The following HEPHL1 variants were observed in gnomAD, a reference collection of about 807,000 sequenced individuals.
The protein encoded by HEPHL1 is ferroxidase HEPHL1.
HEPHL1 carries 123 observed loss-of-function variants against 122.0 expected under a neutral mutation model. The observed-to-expected ratio is 1.01, with a 90% confidence interval of 0.87 to 1.17. The LOEUF is 1.17. Among genes scored for constraint, HEPHL1 ranks in the 50% most tolerant of loss-of-function variants. The pLI is 0.00. For missense variants in HEPHL1, 1,452 were observed against 1,430.5 expected (o/e 1.01, Z -0.24); for synonymous variants, 527 against 508.9 (o/e 1.04, Z -0.48).
intron 8 of HEPHL1, among the ~76,000 whole-genome samples, chr11:94,073,672 G>T (rs928493527): frequency 1.3e-5 from 2 of 152,110 alleles, no homozygotes; most frequent in African/African-American, 4.8e-5. Flanking sequence ...CCCATGGTAG[G>T]TTCTTAGGAA....
intron 1 of HEPHL1, among the ~76,000 whole-genome samples, chr11:94,022,436 T>C (rs1449351458): frequency 6.6e-6 from 1 of 152,212 alleles, no homozygotes; most frequent in East Asian, 1.9e-4. Flanking sequence ...TTCCATTTCC[T>C]AAAGATGAGT....
At chr11:94,034,002 C>T (rs141363597) in intron 1 of HEPHL1, among the ~76,000 whole-genome samples, 16 of 152,068 alleles carry the variant, frequency 1.1e-4, no homozygotes, top group Middle Eastern at 3.4e-3. Context: ...CCACTGAGGC[C>T]CAGGAAAAAG....
At position 94,113,703 on chromosome 11, in the gene HEPHL1, G is replaced by A. The variant is rs998050841; in HGVS notation, c.*1809G>A. ...TTTTTAATGAAAACAAAACCACAAAGTAGTTTGATTGCATCATTTATCATT... is the reference window on the plus strand; with the variant it reads ...TTTTTAATGAAAACAAAACCACAAAATAGTTTGATTGCATCATTTATCATT... On this transcript the variant is annotated 3_prime_UTR_variant, in exon 20 of 20. Transcript: ENST00000315765. The A allele has an allele frequency of 1.3e-5, 2 of 151,828 alleles. No homozygotes were observed. The highest frequency in any genetic ancestry group is 4.8e-5 in the African/African-American group (2 of 41,300). The allele number at this position is 151,828 out of a possible 1,614,324, so 9.4% of individuals were successfully genotyped here.
Position 94,113,700 on chromosome 11 carries a change from A to G in HEPHL1, c.*1806A>G, listed in dbSNP as rs553005549. 6.6e-6 allele frequency: 1 copy of G among 152,302 alleles called. No individual in the cohort carries two copies. Among genetic ancestry groups the G allele is most frequent in the South Asian group, 2.1e-4 (1 of 4,820 alleles). 9.4% of individuals were successfully genotyped at this position (152,302 alleles called of 1,614,324 possible). A position where few individuals can be genotyped will look rare whatever the true frequency, so the allele number is the denominator to read the frequency against. On this transcript the variant is annotated 3_prime_UTR_variant, in exon 20 of 20. Coordinates refer to ENST00000315765, the MANE Select transcript of HEPHL1 (RefSeq NM_001098672.2). ...ATTTTTTTAATGAAAACAAAACCAC[A>G]AAGTAGTTTGATTGCATCATTTATC...
At chr11:94,041,499 C>G (rs1280421450) in intron 1 of HEPHL1, among the ~76,000 whole-genome samples, 2 of 123,378 alleles carry the variant, frequency 1.6e-5, no homozygotes, top group East Asian at 2.2e-4. Context: ...GTAACCAAAA[C>G]AGCATGGTAC....
intron 5 of HEPHL1, among the ~76,000 whole-genome samples, chr11:94,070,141 A>G (rs1300281682): frequency 1.3e-5 from 2 of 151,874 alleles, no homozygotes; most frequent in Non-Finnish European, 1.5e-5. Flanking sequence ...TCTATTGGAG[A>G]TTTACTTGTT....
chr11:94,060,365 TATAC>T (rs1392694071), intron 2 of HEPHL1, among the ~76,000 whole-genome samples: 1 of 151,874 alleles, frequency 6.6e-6, no homozygotes, highest in African/African-American at 2.4e-5. Flanking sequence ...TGTGTGTATA[TATAC>T]ACTTACATAT....
At position 94,093,556 on chromosome 11, in the gene HEPHL1, A is replaced by T. The variant is rs758778713; in HGVS notation, c.2350A>T (p.Lys784Ter). 5 of 1,613,652 alleles carry T rather than the reference A, an allele frequency of 3.1e-6. No homozygotes were observed. Among genetic ancestry groups the T allele is most frequent in the Non-Finnish European group, 4.2e-6 (5 of 1,179,830 alleles). Reference protein sequence around the residue: ...TENWIGSQYKKVVYREYTDGE... With the variant: ...TENWIGSQYK ...AAATTGGATTGGCTCTCAGTACAAG[A>T]AGGTGGTTTACAGGGAATATACGGA... is the stretch of plus-strand genomic sequence containing the variant. The change falls in exon 13 of 20, where the codon AAG (lysine) becomes TAG (stop). Residue 784 changes from lysine (K) to a stop codon, truncating the protein, a stop_gained. Transcript: ENST00000315765. LOFTEE classifies it high-confidence loss of function.
chr11:94,073,575 C>T (rs1056043830), intron 8 of HEPHL1, 136 bp downstream of exon 8: 3 of 798,284 alleles, frequency 3.8e-6, no homozygotes, highest in Middle Eastern at 3.4e-4. Flanking sequence ...ACTTTCTGAA[C>T]CTGATTCTCT....
intron 1 of HEPHL1, among the ~76,000 whole-genome samples, chr11:94,026,776 A>G (rs984688059): frequency 1.2e-4 from 19 of 152,206 alleles, no homozygotes; most frequent in African/African-American, 4.6e-4. Flanking sequence ...AAGGCAGTCC[A>G]GTTTGCTGGT....
intron 6 of HEPHL1, among the ~76,000 whole-genome samples, chr11:94,072,638 G>C (rs1221362328): frequency 6.6e-6 from 1 of 151,946 alleles, no homozygotes; most frequent in Non-Finnish European, 1.5e-5. Flanking sequence ...GAGCTTACTA[G>C]ATGCAGAGAA....
intron 14 of HEPHL1, 25 bp from the exon 15 acceptor site, chr11:94,102,889 A>AT (rs779057451): frequency 5.2e-6 from 6 of 1,156,018 alleles, no homozygotes; most frequent in Non-Finnish European, 6.5e-6. Context: ...ATTCTAATAA[A>AT]TTTTTTCCAT....
At chr11:94,037,306 T>A (rs1945734918) in intron 1 of HEPHL1, among the ~76,000 whole-genome samples, 1 of 151,894 alleles carries the variant, frequency 6.6e-6, no homozygotes. Flanking sequence ...GCGCCCGCCA[T>A]TGCCCAGGCT....
At chr11:94,106,192 C>A in intron 17 of HEPHL1, 62 bp downstream of exon 17, 3 of 1,323,296 alleles carry the variant, frequency 2.3e-6, no homozygotes, top group East Asian at 2.4e-5. Flanking sequence ...AATGTATTTC[C>A]AGTGGAAAAT....
At chr11:94,042,652 A>G (rs1295055671) in intron 1 of HEPHL1, among the ~76,000 whole-genome samples, 1 of 147,122 alleles carries the variant, frequency 6.8e-6, no homozygotes, top group Non-Finnish European at 1.5e-5. Context: ...GCATATTCTC[A>G]CTCATAGGTG....
intron 2 of HEPHL1, among the ~76,000 whole-genome samples, chr11:94,063,204 T>C (rs760212214): frequency 2.9e-4 from 44 of 152,214 alleles, no homozygotes; most frequent in Non-Finnish European, 5.4e-4. Context: ...CTGGTTGATA[T>C]GGTAGCCTCA....
chr11:94,096,431 A>G lies in HEPHL1; in HGVS notation c.2434+2791A>G, dbSNP rs903693993. 2.6e-5 allele frequency among the ~76,000 whole-genome samples: 4 copies of G among 152,156 alleles called. No individual in the cohort carries two copies. In the East Asian group the frequency reaches 5.8e-4, roughly 22 times the overall value. On this transcript the variant is annotated intron_variant, in intron 13 of 19. Transcript: ENST00000315765. ...TGCTGGATTCGTTTGCCAGTATTTT[A>G]TTGAGGATTTTTGCATCAATGTTCA...
At chr11:94,071,539 C>T (rs527926864) in intron 6 of HEPHL1, among the ~76,000 whole-genome samples, 2 of 152,162 alleles carry the variant, frequency 1.3e-5, no homozygotes, top group African/African-American at 4.8e-5. Context: ...TTCTGAAGTG[C>T]CTTCTGAAAT....
At position 94,112,809 on chromosome 11, in the gene HEPHL1, G is replaced by A. The variant is rs1356839366; in HGVS notation, c.*915G>A. 2.6e-5 allele frequency: 4 copies of A among 152,220 alleles called. No individual in the cohort carries two copies. Among genetic ancestry groups the A allele is most frequent in the African/African-American group, 7.2e-5 (3 of 41,446 alleles). The allele number at this position is 152,220 out of a possible 1,614,324, so 9.4% of individuals were successfully genotyped here. ...GGAGGCAAGTCTGGGCTTGAATTTG[G>A]AGTCTGATTTTTCATTCAGTTAGAG... On this transcript the variant is annotated 3_prime_UTR_variant, in exon 20 of 20. Coordinates refer to ENST00000315765, the MANE Select transcript of HEPHL1 (RefSeq NM_001098672.2).
Sources: allele counts gnomAD v4.1 joint callset (sites outside exome capture counted in the v4.1 genomes callset), GRCh38; gene constraint gnomAD v4.1.1; transcripts MANE v1.5; gene names NCBI Gene and HGNC (gene_info 2026-07-23, HGNC 2026-07-21).